CAPN14: variants seen among roughly 807,000 people sequenced by gnomAD.
The protein encoded by CAPN14 is calpain-14.
CAPN14 carries 94 observed loss-of-function variants against 101.3 expected under a neutral mutation model. The observed-to-expected ratio is 0.93, with a 90% CI of 0.79 to 1.10. The LOEUF is 1.10. Ranked by LOEUF, CAPN14 falls within the 50% of genes least tolerant of loss-of-function variation. The probability of loss-of-function intolerance (pLI) is 0.00; values close to 1 mark genes in which losing one functional copy is unlikely to be tolerated. For missense variants in CAPN14, 837 were observed against 828.4 expected, an observed-to-expected ratio of 1.01 and a Z score of -0.13; for synonymous variants, 338 against 317.9, an observed-to-expected ratio of 1.06 and a Z score of -0.67.
chr2:31,223,744 GGT>G (rs977235848), intron 2 of CAPN14, among the ~76,000 whole-genome samples: 2 of 151,886 alleles, frequency 1.3e-5, no homozygotes, highest in African/African-American at 4.8e-5. Flanking sequence ...TGGCCAGGCT[GGT>G]CTCGAACTCC....
Position 31,205,308 on chromosome 2 carries a change from G to A in CAPN14, c.140C>T (p.Thr47Ile). The change falls in exon 2 of 22, where the codon ACC becomes ATC. Residue 47 changes from threonine to isoleucine, a missense_variant. Physicochemically the swap from Thr to Ile is moderately conservative, Grantham distance 89 (BLOSUM62 -1). Transcript: ENST00000403897. ...CLRNGCLFEDTSFPATLSSIG... is the reference protein window; with the variant it reads ...CLRNGCLFEDISFPATLSSIG... The stretch of plus-strand genomic sequence containing the variant: ...GGAGCTCAGGGTGGCCGGGAAGCTG[G>A]TGTCTTCAAAGAGGCAGCCATTCCT... 2 of 1,550,838 alleles carry A rather than the reference G, an allele frequency of 1.3e-6. No homozygotes were observed. The highest frequency in any genetic ancestry group is 1.7e-6 in the Non-Finnish European group (2 of 1,146,980).
Position 31,173,204 on chromosome 2 carries a change from T to C in CAPN14, c.*1477A>G, listed in dbSNP as rs1383177056. 6.6e-6 allele frequency: 1 copy of C among 152,244 alleles called. No individual in the cohort carries two copies. Among genetic ancestry groups the C allele is most frequent in the Non-Finnish European group, 1.5e-5 (1 of 68,042 alleles). 9.4% of individuals were successfully genotyped at this position (152,244 alleles called of 1,614,324 possible). A position where few individuals can be genotyped will look rare whatever the true frequency, so the allele number is the denominator to read the frequency against. On this transcript the variant is annotated 3_prime_UTR_variant, in exon 22 of 22. Transcript: ENST00000403897. ...CATTTATAAAATCAACAACATCTCA[T>C]GTATCTGGCACTTTATGGAAACCCA...
At chr2:31,214,912 A>G (rs1356542760) in intron 1 of CAPN14, among the ~76,000 whole-genome samples, 1 of 152,210 alleles carries the variant, frequency 6.6e-6, no homozygotes, top group Non-Finnish European at 1.5e-5. Flanking sequence ...ATGTACTGAC[A>G]GGACCTCTGA....
At chr2:31,185,280 T>A (rs963984581) in intron 16 of CAPN14, among the ~76,000 whole-genome samples, 1 of 152,256 alleles carries the variant, frequency 6.6e-6, no homozygotes, top group Non-Finnish European at 1.5e-5. Flanking sequence ...ATTATCCCTC[T>A]AGTTTTATAT....
upstream of CAPN14, among the ~76,000 whole-genome samples, chr2:31,220,634 G>T (rs1175675322): frequency 6.6e-6 from 1 of 152,154 alleles, no homozygotes; most frequent in Non-Finnish European, 1.5e-5. Context: ...ATGACCAACA[G>T]CCTGACCAAC....
chr2:31,189,927 T>C (rs77519845), intron 12 of CAPN14, among the ~76,000 whole-genome samples: 271 of 152,222 alleles, frequency 1.8e-3, no homozygotes, highest in African/African-American at 6.5e-3. Flanking sequence ...ATGTATGTGA[T>C]ATGGCATGAC....
chr2:31,202,215 G>A lies in CAPN14; in HGVS notation c.333C>T (p.Ala111=). The change falls in exon 4 of 22, where the codon GCC becomes GCT. Residue 111 remains alanine (A), a synonymous_variant. Transcript: ENST00000403897. ...CCCGGCTCAGGATGTCCTGGTGCAA[G>A]GCCAGAGCTTGCAAAGCAGCCAAGA... ...CWFLAALQAL[A]LHQDILSRVV... is the part of the protein sequence containing the mutation. The A allele has an allele frequency of 6.4e-7, 1 of 1,551,554 alleles. No individual in the cohort carries two copies. The highest frequency in any genetic ancestry group is 8.7e-7 in the Non-Finnish European group (1 of 1,147,002).
At chr2:31,217,825 T>C (rs1297539828), upstream of CAPN14, among the ~76,000 whole-genome samples, 1 of 152,200 alleles carries the variant, frequency 6.6e-6, no homozygotes, top group African/African-American at 2.4e-5. Context: ...GAGCACATGA[T>C]ACTGCTTGCT....
chr2:31,217,417 G>A (rs940057713), intron 1 of CAPN14, 39 bp downstream of exon 1: 4 of 152,088 alleles, frequency 2.6e-5, no homozygotes, highest in African/African-American at 9.7e-5. Flanking sequence ...AGGGCCTCTG[G>A]GCTAACTTGG....
chr2:31,187,167 C>T (rs1325290678), intron 15 of CAPN14, among the ~76,000 whole-genome samples: 1 of 152,176 alleles, frequency 6.6e-6, no homozygotes, highest in Non-Finnish European at 1.5e-5. Context: ...ATGTTTCTCG[C>T]CCTGTTCCTA....
chr2:31,173,209 C>G lies in CAPN14; in HGVS notation c.*1472G>C, dbSNP rs1315749711. On this transcript the variant is annotated 3_prime_UTR_variant, in exon 22 of 22. Transcript: ENST00000403897. ...ATAAAATCAACAACATCTCATGTAT[C>G]TGGCACTTTATGGAAACCCATTTTA... 6.6e-6 allele frequency: 1 copy of G among 152,208 alleles called. No individual in the cohort carries two copies. The highest frequency in any genetic ancestry group is 2.4e-5 in the African/African-American group (1 of 41,440). 9.4% of individuals were successfully genotyped at this position (152,208 alleles called of 1,614,324 possible).
chr2:31,231,399 T>C (rs1322004194), intron 1 of CAPN14, among the ~76,000 whole-genome samples: 1 of 152,160 alleles, frequency 6.6e-6, no homozygotes. Flanking sequence ...TTAGAACTTC[T>C]TTAACATCTT....
At chr2:31,199,354 C>A in intron 7 of CAPN14, 116 bp downstream of exon 7, 1 of 913,326 alleles carries the variant, frequency 1.1e-6, no homozygotes, top group South Asian at 1.5e-5. Flanking sequence ...AGGGACCCAC[C>A]AAAGACTTTA....
chr2:31,179,722 T>C (rs1290635396), intron 17 of CAPN14, among the ~76,000 whole-genome samples: 1 of 152,152 alleles, frequency 6.6e-6, no homozygotes, highest in Non-Finnish European at 1.5e-5. Flanking sequence ...CTCTCCAGCA[T>C]CTATTGTTTC....
intron 10 of CAPN14, 113 bp downstream of exon 10, chr2:31,193,018 C>T (rs952615915): frequency 9.3e-7 from 1 of 1,074,512 alleles, no homozygotes; most frequent in East Asian, 2.6e-5. Context: ...GCAAGCAGAG[C>T]CTCCTCCCCA....
upstream of CAPN14, among the ~76,000 whole-genome samples, chr2:31,219,211 T>C (rs911503373): frequency 1.3e-5 from 2 of 152,122 alleles, no homozygotes. Flanking sequence ...CCGAGACGCA[T>C]AGGGTAAGGC....
chr2:31,231,819 C>G (rs1209300693), intron 1 of CAPN14, among the ~76,000 whole-genome samples: 1 of 152,208 alleles, frequency 6.6e-6, no homozygotes, highest in Non-Finnish European at 1.5e-5. Flanking sequence ...TAACACCAGG[C>G]GTGGCACGGG....
In CAPN14 at chr2:31,187,834, G is replaced by C; in HGVS notation, c.1531-20C>G. The C allele has an allele frequency of 6.5e-7, 1 of 1,542,482 alleles. No individual in the cohort carries two copies. Among genetic ancestry groups the C allele is most frequent in the South Asian group, 1.2e-5 (1 of 83,800 alleles). On this transcript the variant is annotated intron_variant, in intron 14 of 21. Coordinates refer to ENST00000403897, the MANE Select transcript of CAPN14 (RefSeq NM_001145122.2). ...TATCTCCTATAGGAAGAGACACACA[G>C]AAAGACACAATTATTCACCTGTATA...
intron 12 of CAPN14, chr2:31,189,741 C>T (rs1464696987): frequency 1.8e-6 from 1 of 559,228 alleles, no homozygotes; most frequent in Non-Finnish European, 3.4e-6. Context: ...AACACCAGCA[C>T]TAAATGATGT....
Sources: gnomAD v4.1 joint callset for allele counts (sites outside exome capture counted in the v4.1 genomes callset) on GRCh38, gnomAD v4.1.1 for gene constraint, MANE v1.5 for transcripts, NCBI Gene and HGNC (gene_info 2026-07-23, HGNC 2026-07-21) for gene names.